FGF13: variants seen among roughly 807,000 people sequenced by gnomAD.
FGF13 encodes the protein fibroblast growth factor 13.
FGF13 carries 2 observed loss-of-function variants against 19.5 expected under a neutral mutation model. The observed-to-expected ratio is 0.10, with a 90% confidence interval of 0.04 to 0.32. The LOEUF is 0.32. Among genes scored for constraint, FGF13 ranks in the 10% least tolerant of loss-of-function variants. FGF13 has a pLI of 1.00. For synonymous variants in FGF13, 72 were observed against 76.9 expected, an observed-to-expected ratio of 0.94 and a Z score of 0.33; for missense variants, 113 against 192.7, an observed-to-expected ratio of 0.59 and a Z score of 2.45.
At chrX:138,772,667 T>C (rs1236843439) in intron 3 of FGF13, among the ~76,000 whole-genome samples, 1 of 111,614 alleles carries the variant, frequency 9.0e-6, no homozygotes, top group Non-Finnish European at 1.9e-5. Context: ...CACGTTCTGC[T>C]AACAAGATTA....
Position 138,627,111 on chromosome X carries a change from A to G in FGF13, c.*5739T>C, listed in dbSNP as rs1041853790. Reference sequence around the variant, plus strand: ...AAGGAAAGAAAAATTCTCTGTTACTAAACCCCAGAATATCTTTTTCTACAA... The same window carrying G: ...AAGGAAAGAAAAATTCTCTGTTACTGAACCCCAGAATATCTTTTTCTACAA... On this transcript the variant is annotated 3_prime_UTR_variant, in exon 5 of 5. Transcript: ENST00000315930. 1 of 111,789 alleles carries G rather than the reference A, an allele frequency of 8.9e-6. No homozygotes were observed. Among genetic ancestry groups the G allele is most frequent in the Admixed American group, 9.5e-5 (1 of 10,493 alleles). The allele number at this position is 111,789 out of a possible 1,213,427, so 9.2% of individuals were successfully genotyped here. A position where few individuals can be genotyped will look rare whatever the true frequency, so the allele number is the denominator to read the frequency against.
chrX:138,633,116 T>G, intron 4 of FGF13, 130 bp from the exon 5 acceptor site: 1 of 601,792 alleles, frequency 1.7e-6, no homozygotes, highest in Non-Finnish European at 2.4e-6. Context: ...AATGCATATG[T>G]TAATTAGCTT....
chrX:139,008,164 C>A (rs1184292369), intron 1 of FGF13, among the ~76,000 whole-genome samples: 1 of 112,271 alleles, frequency 8.9e-6, no homozygotes, highest in Non-Finnish European at 1.9e-5. Context: ...CAAAGAGAAT[C>A]TGAGCTCAGA....
At chrX:138,939,342 C>G (rs903430921) in intron 1 of FGF13, among the ~76,000 whole-genome samples, 3 of 112,273 alleles carry the variant, frequency 2.7e-5, no homozygotes, top group African/African-American at 9.7e-5. Context: ...TAAGACAACA[C>G]AAATATTGCT....
chrX:138,765,750 T>C (rs1444928063), intron 3 of FGF13, among the ~76,000 whole-genome samples: 1 of 111,524 alleles, frequency 9.0e-6, no homozygotes, highest in African/African-American at 3.3e-5. Flanking sequence ...GGTCTCCCCA[T>C]TGCACTAGAG....
chrX:139,105,173 C>T (rs2083550893), intron 1 of FGF13, among the ~76,000 whole-genome samples: 1 of 110,987 alleles, frequency 9.0e-6, no homozygotes, highest in Non-Finnish European at 1.9e-5. Context: ...CTGCTGGATG[C>T]TTTGAAAGAT....
chrX:138,777,039 T>C (rs1224749512), intron 3 of FGF13, among the ~76,000 whole-genome samples: 1 of 111,720 alleles, frequency 9.0e-6, no homozygotes, highest in African/African-American at 3.3e-5. Context: ...TGTCTTATGA[T>C]CCTCCCCCTA....
At chrX:139,103,438 TTA>T (rs1354593261) in intron 1 of FGF13, among the ~76,000 whole-genome samples, 1 of 111,901 alleles carries the variant, frequency 8.9e-6, no homozygotes, top group African/African-American at 3.3e-5. Context: ...AGGACACATA[TTA>T]TAAGTCTACC....
At chrX:138,885,964 C>T (rs1231103365) in intron 1 of FGF13, among the ~76,000 whole-genome samples, 2 of 111,377 alleles carry the variant, frequency 1.8e-5, no homozygotes, top group Admixed American at 9.6e-5. Flanking sequence ...CCAGTGCATT[C>T]GTTTCCCTTT....
At chrX:138,685,985 C>G (rs1437468784) in intron 3 of FGF13, among the ~76,000 whole-genome samples, 1 of 109,740 alleles carries the variant, frequency 9.1e-6, no homozygotes, top group Admixed American at 9.9e-5. Flanking sequence ...TGCGTGACCA[C>G]AGTAACAGCA....
At chrX:138,917,450 G>T (rs908752321) in intron 1 of FGF13, among the ~76,000 whole-genome samples, 9 of 111,828 alleles carry the variant, frequency 8.0e-5, no homozygotes, top group Admixed American at 7.6e-4. Flanking sequence ...CCTGACCTTG[G>T]ACTTTCAGCC....
intron 1 of FGF13, among the ~76,000 whole-genome samples, chrX:139,120,774 G>A (rs939093341): frequency 8.9e-6 from 1 of 112,911 alleles, no homozygotes; most frequent in Non-Finnish European, 1.9e-5. Context: ...GGCTTCCTAC[G>A]CCTTCAGGCA....
At chrX:139,099,360 T>C (rs948126711) in intron 1 of FGF13, among the ~76,000 whole-genome samples, 4 of 86,302 alleles carry the variant, frequency 4.6e-5, no homozygotes, top group African/African-American at 1.8e-4. Context: ...AGAATAGTGG[T>C]GAAGAGGTTT....
At chrX:139,060,296 G>A (rs937220186) in intron 1 of FGF13, among the ~76,000 whole-genome samples, 14 of 110,656 alleles carry the variant, frequency 1.3e-4, no homozygotes, top group African/African-American at 4.6e-4. Flanking sequence ...TCTTTTGTGA[G>A]GTATATTTCT....
chrX:139,000,617 T>G (rs2092068574), intron 1 of FGF13, among the ~76,000 whole-genome samples: 1 of 111,153 alleles, frequency 9.0e-6, no homozygotes, highest in South Asian at 3.8e-4. Context: ...TACCTAGGAA[T>G]CCAACTTACA....
intron 1 of FGF13, among the ~76,000 whole-genome samples, chrX:139,040,795 G>A (rs1383527316): frequency 9.0e-6 from 1 of 110,646 alleles, no homozygotes; most frequent in Non-Finnish European, 1.9e-5. Context: ...CCAAAAACAT[G>A]GAATCAACCT....
At chrX:139,054,321 C>T (rs981512493) in intron 1 of FGF13, among the ~76,000 whole-genome samples, 15 of 109,206 alleles carry the variant, frequency 1.4e-4, no homozygotes, top group African/African-American at 4.7e-4. Context: ...GACGGGGTTT[C>T]ACCATGTTAG....
At chrX:138,879,375 A>C (rs1348298847) in intron 1 of FGF13, among the ~76,000 whole-genome samples, 1 of 111,669 alleles carries the variant, frequency 9.0e-6, no homozygotes, top group Admixed American at 9.6e-5. Flanking sequence ...TTTTGATATA[A>C]TCCAATTTTA....
intron 1 of FGF13, among the ~76,000 whole-genome samples, chrX:138,929,263 G>GTC (rs1191193098): frequency 1.8e-5 from 2 of 108,852 alleles, no homozygotes; most frequent in African/African-American, 6.8e-5. Flanking sequence ...GTGTGTGTGT[G>GTC]TGTCTCTCTG....
Sources: gnomAD v4.1 joint callset for allele counts (sites outside exome capture counted in the v4.1 genomes callset) on GRCh38, gnomAD v4.1.1 for gene constraint, MANE v1.5 for transcripts, NCBI Gene and HGNC (gene_info 2026-07-23, HGNC 2026-07-21) for gene names.